The following FRMPD4 variants were observed in gnomAD, a reference collection of about 807,000 sequenced individuals.
The protein encoded by FRMPD4 is FERM and PDZ domain containing 4.
FRMPD4 carries 22 observed loss-of-function variants against 94.1 expected under a neutral mutation model. The ratio of observed to expected loss-of-function variants is 0.23; its 90% confidence interval spans 0.17 to 0.33. FRMPD4 has a LOEUF of 0.33. Among genes scored for constraint, FRMPD4 ranks in the 10% least tolerant of loss-of-function variants. The pLI is 1.00. For synonymous variants in FRMPD4, 631 were observed against 548.6 expected (o/e 1.15, Z -2.10); for missense variants, 1,111 against 1,339.9 (o/e 0.83, Z 2.67).
chrX:12,454,815 G>T (rs867454665), intron 1 of FRMPD4, among the ~76,000 whole-genome samples: 41 of 92,483 alleles, frequency 4.4e-4, no homozygotes, highest in South Asian at 5.9e-4. Flanking sequence ...AGAAAGCCAC[G>T]TTTTTTTTTT....
At chrX:11,970,953 G>C (rs1390424523) in intron 3 of FRMPD4, among the ~76,000 whole-genome samples, 2 of 112,039 alleles carry the variant, frequency 1.8e-5, no homozygotes, top group East Asian at 5.6e-4. Flanking sequence ...TATTGATCTG[G>C]TGGTTAGCAT....
chrX:12,502,092 G>C (rs2057928199), intron 2 of FRMPD4, among the ~76,000 whole-genome samples: 1 of 112,131 alleles, frequency 8.9e-6, no homozygotes, highest in African/African-American at 3.2e-5. Context: ...GCCTGGGTCT[G>C]GGATTGAGCC....
chrX:12,074,372 G>A (rs768969281), intron 3 of FRMPD4, among the ~76,000 whole-genome samples: 11 of 110,797 alleles, frequency 9.9e-5, no homozygotes, highest in South Asian at 7.7e-4. Context: ...TGCTCCTTCC[G>A]TTCATTCTTC....
chrX:11,963,552 T>C (rs1306024282), intron 3 of FRMPD4, among the ~76,000 whole-genome samples: 1 of 112,196 alleles, frequency 8.9e-6, no homozygotes, highest in Non-Finnish European at 1.9e-5. Flanking sequence ...TCTAATCTTT[T>C]TGAGAAAGAC....
intron 2 of FRMPD4, among the ~76,000 whole-genome samples, chrX:12,566,799 AT>A (rs1263561010): frequency 2.7e-5 from 3 of 111,835 alleles, no homozygotes; most frequent in Admixed American, 9.5e-5. Flanking sequence ...TTTGGGGAAC[AT>A]TTTTTGAGGA....
intron 2 of FRMPD4, among the ~76,000 whole-genome samples, chrX:12,551,828 A>G (rs1404627785): frequency 9.0e-6 from 1 of 111,374 alleles, no homozygotes; most frequent in African/African-American, 3.3e-5. Context: ...GTTAGCAGCC[A>G]TTGATGCTCA....
chrX:11,856,181 C>T (rs1311550849), intron 1 of FRMPD4, among the ~76,000 whole-genome samples: 4 of 111,306 alleles, frequency 3.6e-5, no homozygotes, highest in Non-Finnish European at 7.5e-5. Context: ...AAACCACCCC[C>T]ATGATTCAAT....
At chrX:12,645,552 T>C (rs1402702138) in intron 4 of FRMPD4, among the ~76,000 whole-genome samples, 1 of 109,231 alleles carries the variant, frequency 9.2e-6, no homozygotes, top group Non-Finnish European at 1.9e-5. Context: ...ACAGGGTTTC[T>C]CCATGTTGGT....
Position 12,345,280 on chromosome X carries a change from G to A in FRMPD4, c.42-153400G>A, listed in dbSNP as rs147300740. Among the ~76,000 whole-genome samples, 766 of 111,142 alleles carry A rather than the reference G, an allele frequency of 6.9e-3. 7 individuals are homozygous for A. The highest frequency in any genetic ancestry group is 0.024 in the African/African-American group (736 of 30,536). On this transcript the variant is annotated intron_variant, in intron 1 of 16. Coordinates refer to ENST00000675598, the MANE Select transcript of FRMPD4 (RefSeq NM_001368397.1). ...TGCGTAGACTGTGTAAAAGGAGGCAGTCCCCTTCCTCCTGTAATGTGTGAT... is the reference window on the plus strand; with the variant it reads ...TGCGTAGACTGTGTAAAAGGAGGCAATCCCCTTCCTCCTGTAATGTGTGAT...
intron 1 of FRMPD4, among the ~76,000 whole-genome samples, chrX:11,860,987 G>T (rs2053683276): frequency 8.9e-6 from 1 of 112,104 alleles, no homozygotes; most frequent in Non-Finnish European, 1.9e-5. Context: ...CTTGAATTCA[G>T]TTGAAATTAT....
intron 1 of FRMPD4, among the ~76,000 whole-genome samples, chrX:12,161,945 A>T (rs1317889620): frequency 2.7e-5 from 3 of 111,923 alleles, no homozygotes; most frequent in Middle Eastern, 4.6e-3. Context: ...CAAAAGTCCC[A>T]AGTAGCCCTG....
chrX:12,564,511 T>G (rs747387397), intron 2 of FRMPD4, among the ~76,000 whole-genome samples: 29 of 111,912 alleles, frequency 2.6e-4, no homozygotes, highest in Non-Finnish European at 4.5e-4. Flanking sequence ...TACACATAAG[T>G]GCAACATTTT....
chrX:12,526,538 A>C (rs193265044), intron 2 of FRMPD4, among the ~76,000 whole-genome samples: 302 of 111,887 alleles, frequency 2.7e-3, no homozygotes, highest in African/African-American at 9.6e-3. Context: ...CTTTAGAGTA[A>C]TCCTATTGTC....
At chrX:11,870,351 G>A (rs1417975377) in intron 2 of FRMPD4, among the ~76,000 whole-genome samples, 3 of 111,899 alleles carry the variant, frequency 2.7e-5, no homozygotes, top group Non-Finnish European at 5.6e-5. Context: ...GGTGAGCCCA[G>A]CCTGGCAACG....
chrX:12,561,002 C>T (rs936526772), intron 2 of FRMPD4, among the ~76,000 whole-genome samples: 1 of 107,755 alleles, frequency 9.3e-6, no homozygotes, highest in Non-Finnish European at 1.9e-5. Context: ...ATCTCCTGAC[C>T]TCGTGATCCG....
At chrX:12,009,551 T>C (rs908335042) in intron 3 of FRMPD4, among the ~76,000 whole-genome samples, 6 of 112,397 alleles carry the variant, frequency 5.3e-5, no homozygotes. Flanking sequence ...AAACAATCAA[T>C]ACCAAATAGT....
intron 2 of FRMPD4, among the ~76,000 whole-genome samples, chrX:12,598,146 GA>G (rs905142496): frequency 2.7e-5 from 3 of 111,711 alleles, no homozygotes; most frequent in Non-Finnish European, 5.6e-5. Flanking sequence ...TCTTGGAGAA[GA>G]ATCAGAAAAG....
chrX:12,030,478 G>A (rs1014818486), intron 3 of FRMPD4, among the ~76,000 whole-genome samples: 5 of 111,785 alleles, frequency 4.5e-5, no homozygotes, highest in African/African-American at 6.5e-5. Flanking sequence ...GCTATTCGGA[G>A]AGGACCTTAT....
At chrX:12,382,020 G>C (rs1012782742) in intron 1 of FRMPD4, among the ~76,000 whole-genome samples, 8 of 110,694 alleles carry the variant, frequency 7.2e-5, no homozygotes, top group African/African-American at 2.6e-4. Context: ...GAATGAAGGA[G>C]CCCAAAAAAC....
Sources: allele counts gnomAD v4.1 joint callset (sites outside exome capture counted in the v4.1 genomes callset), GRCh38; gene constraint gnomAD v4.1.1; transcripts MANE v1.5; gene names NCBI Gene and HGNC (gene_info 2026-07-23, HGNC 2026-07-21).